The following CCDC102B variants were observed in gnomAD, a reference collection of about 807,000 sequenced individuals.
The protein encoded by CCDC102B is coiled-coil domain-containing protein 102B.
Under a neutral mutation model 57.4 loss-of-function variants are expected in CCDC102B, and 75 were observed. The observed-to-expected ratio is 1.31, with a 90% confidence interval of 1.08 to 1.58. The LOEUF is 1.58. Among genes scored for constraint, CCDC102B ranks in the 40% most tolerant of loss-of-function variants. The probability of loss-of-function intolerance (pLI) is 0.00; values close to 1 mark genes in which losing one functional copy is unlikely to be tolerated. For missense variants in CCDC102B, 636 were observed against 582.6 expected, an observed-to-expected ratio of 1.09 and a Z score of -0.94; for synonymous variants, 206 against 201.9, an observed-to-expected ratio of 1.02 and a Z score of -0.17.
chr18:68,814,757 G>A (rs1426869226), intron 1 of CCDC102B, among the ~76,000 whole-genome samples: 2 of 152,006 alleles, frequency 1.3e-5, no homozygotes, highest in East Asian at 3.9e-4. Flanking sequence ...AGTGTTTTAA[G>A]TACAAATAAT....
rs1568230309 is a variant in CCDC102B at position 68,748,213 on chromosome 18, TGTGTG to T, written c.-67+31620_-67+31624del. Among the ~76,000 whole-genome samples, 140 of 46,926 alleles carry T rather than the reference TGTGTG, an allele frequency of 3.0e-3. 2 individuals carry two copies. Among genetic ancestry groups the T allele is most frequent in the African/African-American group, 0.01 (134 of 13,002 alleles). The allele number at this position is 46,926 out of a possible 152,430, so 30.8% of individuals were successfully genotyped here. On this transcript the variant is annotated intron_variant, in intron 2 of 3. Transcript: ENST00000578970. The stretch of plus-strand genomic sequence containing the variant: ...TTGTCCATTATTAAACTGGTGTGTG[TGTGTG>T]TGTGTGTGTGTGTGTGTGTGTGTGT...
At chr18:68,873,977 G>A (rs1950967100) in intron 4 of CCDC102B, among the ~76,000 whole-genome samples, 1 of 151,810 alleles carries the variant, frequency 6.6e-6, no homozygotes, top group African/African-American at 2.4e-5. Context: ...CACATTTTAT[G>A]TATTTATCAA....
intron 6 of CCDC102B, among the ~76,000 whole-genome samples, chr18:68,963,812 T>C (rs1255929344): frequency 6.6e-6 from 1 of 151,906 alleles, no homozygotes; most frequent in Non-Finnish European, 1.5e-5. Context: ...TATATGTATG[T>C]ATGTATGTAT....
At chr18:68,909,995 A>T (rs2040781663) in intron 6 of CCDC102B, among the ~76,000 whole-genome samples, 1 of 152,324 alleles carries the variant, frequency 6.6e-6, no homozygotes, top group Non-Finnish European at 1.5e-5. Context: ...GAAATGGTTT[A>T]TAAAAGAGAT....
chr18:68,979,813 G>A (rs1413024000), intron 6 of CCDC102B, among the ~76,000 whole-genome samples: 1 of 151,944 alleles, frequency 6.6e-6, no homozygotes, highest in African/African-American at 2.4e-5. Flanking sequence ...CTCCTCCTCT[G>A]ATGTTTTCAT....
chr18:68,768,148 GAGA>G (rs2034526685), intron 2 of CCDC102B, among the ~76,000 whole-genome samples: 1 of 152,054 alleles, frequency 6.6e-6, no homozygotes, highest in African/African-American at 2.4e-5. Context: ...TTTACAATCA[GAGA>G]AGAACTTTAA....
At chr18:68,725,443 G>A (rs1416714308) in intron 2 of CCDC102B, among the ~76,000 whole-genome samples, 1 of 152,164 alleles carries the variant, frequency 6.6e-6, no homozygotes, top group Non-Finnish European at 1.5e-5. Flanking sequence ...CCTTTTTGGA[G>A]TCTCTAGGAA....
intron 7 of CCDC102B, among the ~76,000 whole-genome samples, chr18:69,046,603 T>G (rs538545723): frequency 7.9e-5 from 12 of 152,304 alleles, no homozygotes; most frequent in Admixed American, 3.3e-4. Context: ...TTTAATTAGA[T>G]CCCAATTGTC....
intron 7 of CCDC102B, among the ~76,000 whole-genome samples, chr18:69,047,834 G>C (rs1046932763): frequency 6.6e-6 from 1 of 151,902 alleles, no homozygotes; most frequent in Non-Finnish European, 1.5e-5. Context: ...TAACCAGGGA[G>C]GTAAAATATC....
chr18:68,930,567 T>G (rs2041635025), intron 6 of CCDC102B, among the ~76,000 whole-genome samples: 1 of 151,896 alleles, frequency 6.6e-6, no homozygotes, highest in Non-Finnish European at 1.5e-5. Flanking sequence ...ATTAAGGATG[T>G]GCTGAATTCC....
chr18:68,999,722 G>A (rs1819016523), intron 6 of CCDC102B, among the ~76,000 whole-genome samples: 2 of 152,112 alleles, frequency 1.3e-5, no homozygotes, highest in Non-Finnish European at 2.9e-5. Context: ...GTCTTATGTT[G>A]CCTTCAAATA....
At chr18:68,915,443 G>T (rs2041036638) in intron 6 of CCDC102B, among the ~76,000 whole-genome samples, 1 of 151,946 alleles carries the variant, frequency 6.6e-6, no homozygotes, top group South Asian at 2.1e-4. Context: ...GCACAATTTG[G>T]GTGAATGTAG....
intron 2 of CCDC102B, among the ~76,000 whole-genome samples, chr18:68,752,923 T>C (rs1461459563): frequency 6.6e-6 from 1 of 152,098 alleles, no homozygotes; most frequent in Non-Finnish European, 1.5e-5. Flanking sequence ...TATAGAAAAA[T>C]CTCAGCCATT....
intron 6 of CCDC102B, among the ~76,000 whole-genome samples, chr18:69,007,619 G>A (rs773039226): frequency 3.9e-5 from 6 of 152,296 alleles, no homozygotes; most frequent in Non-Finnish European, 8.8e-5. Flanking sequence ...TTCTGGGCTC[G>A]AGCCCTGAGT....
At chr18:68,950,017 T>G (rs1333863429) in intron 6 of CCDC102B, among the ~76,000 whole-genome samples, 1 of 152,118 alleles carries the variant, frequency 6.6e-6, no homozygotes, top group Non-Finnish European at 1.5e-5. Flanking sequence ...GATTTTTCTA[T>G]CAATTCATAT....
chr18:68,772,143 T>G (rs75325229), intron 2 of CCDC102B, among the ~76,000 whole-genome samples: 1 of 152,116 alleles, frequency 6.6e-6, no homozygotes, highest in African/African-American at 2.4e-5. Flanking sequence ...GATCCAAAAG[T>G]TCTCAACCCC....
At chr18:68,980,769 T>G (rs1273407206) in intron 6 of CCDC102B, among the ~76,000 whole-genome samples, 1 of 151,986 alleles carries the variant, frequency 6.6e-6, no homozygotes, top group Non-Finnish European at 1.5e-5. Context: ...TCTTTGTGGT[T>G]TAAGCGGGAG....
intron 6 of CCDC102B, among the ~76,000 whole-genome samples, chr18:68,982,274 A>C (rs1433742946): frequency 6.6e-6 from 1 of 151,964 alleles, no homozygotes; most frequent in African/African-American, 2.4e-5. Context: ...TGAATGTTTT[A>C]ATTTGAGTTG....
chr18:68,852,022 C>G (rs1346504654), intron 4 of CCDC102B, among the ~76,000 whole-genome samples: 1 of 152,166 alleles, frequency 6.6e-6, no homozygotes, highest in Non-Finnish European at 1.5e-5. Context: ...AGACCCTCCT[C>G]TTATTAAACA....
Sources: gnomAD v4.1 joint callset for allele counts (sites outside exome capture counted in the v4.1 genomes callset) on GRCh38, gnomAD v4.1.1 for gene constraint, MANE v1.5 for transcripts, NCBI Gene and HGNC (gene_info 2026-07-23, HGNC 2026-07-21) for gene names.